The following BANP variants were observed in gnomAD, a reference collection of about 807,000 sequenced individuals.
The protein encoded by BANP is protein BANP.
Under a neutral mutation model 68.1 loss-of-function variants are expected in BANP, and 11 were observed. The ratio of observed to expected loss-of-function variants is 0.16; its 90% CI spans 0.10 to 0.27. BANP has a LOEUF of 0.27. BANP is among the 10% of genes least tolerant of loss of function. BANP has a pLI of 1.00. For missense variants in BANP, 504 were observed against 722.7 expected (o/e 0.70, Z 3.47); for synonymous variants, 329 against 303.2 (o/e 1.09, Z -0.88).
intron 1 of BANP, among the ~76,000 whole-genome samples, chr16:87,965,377 G>T (rs549040646): frequency 6.6e-6 from 1 of 152,136 alleles, no homozygotes; most frequent in East Asian, 1.9e-4. Flanking sequence ...TATCTGAAAG[G>T]GAACAGAGAA....
intron 12 of BANP, among the ~76,000 whole-genome samples, chr16:88,068,484 A>T (rs1351140440): frequency 6.6e-6 from 1 of 152,116 alleles, no homozygotes; most frequent in African/African-American, 2.4e-5. Flanking sequence ...CAGCCCTGAG[A>T]CACCTCTGGG....
chr16:88,006,790 A>G (rs966457533), intron 6 of BANP, among the ~76,000 whole-genome samples: 4 of 150,790 alleles, frequency 2.7e-5, no homozygotes, highest in African/African-American at 9.8e-5. Flanking sequence ...CATCTCTACT[A>G]AAACTACAAA....
chr16:87,961,883 G>A (rs538808916), intron 1 of BANP, among the ~76,000 whole-genome samples: 1 of 152,250 alleles, frequency 6.6e-6, no homozygotes, highest in Non-Finnish European at 1.5e-5. Flanking sequence ...CCCACCAGCA[G>A]GAAGGCACTC....
At chr16:88,049,520 C>G (rs988861513) in intron 11 of BANP, among the ~76,000 whole-genome samples, 1 of 152,080 alleles carries the variant, frequency 6.6e-6, no homozygotes, top group Non-Finnish European at 1.5e-5. Context: ...TAGGGCAGGA[C>G]CCTCTCATGG....
chr16:88,024,786 C>G (rs1417059991), intron 7 of BANP, among the ~76,000 whole-genome samples: 2 of 152,240 alleles, frequency 1.3e-5, no homozygotes, highest in Non-Finnish European at 1.5e-5. Context: ...AATTTGATGT[C>G]TGAGGACAAT....
At chr16:88,029,749 C>A (rs1567807947) in intron 8 of BANP, among the ~76,000 whole-genome samples, 2 of 152,230 alleles carry the variant, frequency 1.3e-5, no homozygotes, top group South Asian at 4.1e-4. Flanking sequence ...AGACAAGCAA[C>A]AGCACAGGAC....
intron 4 of BANP, among the ~76,000 whole-genome samples, chr16:87,990,952 C>T (rs1213994169): frequency 2.6e-5 from 4 of 152,128 alleles, no homozygotes; most frequent in Admixed American, 6.5e-5. Context: ...TTAGTAGAGA[C>T]GGGGTTTCAC....
At chr16:88,008,606 T>C (rs958011582) in intron 6 of BANP, among the ~76,000 whole-genome samples, 1 of 152,204 alleles carries the variant, frequency 6.6e-6, no homozygotes, top group Non-Finnish European at 1.5e-5. Context: ...TGAGACGATA[T>C]CAAATTTGGA....
chr16:88,076,515 G>A, intron 13 of BANP, 75 bp from the exon 14 acceptor site: 2 of 1,318,360 alleles, frequency 1.5e-6, no homozygotes, highest in East Asian at 2.4e-5. Context: ...TAAAGTCACT[G>A]GCTGTTCATG....
chr16:88,040,271 T>TTC lies in BANP; in HGVS notation c.1311+2260_1311+2261insTC, dbSNP rs1567842884. ...GTGGAAATCCTTTTTTTTTTTTTTT[T>TTC]CCATCATTTGGCCAGTTCTCATTCC... On this transcript the variant is annotated intron_variant, in intron 11 of 13. Coordinates refer to ENST00000682872, the MANE Select transcript of BANP (RefSeq NM_001386991.1). Among the ~76,000 whole-genome samples, 8 of 132,578 alleles carry TTC rather than the reference T, an allele frequency of 6.0e-5. No individual in the cohort carries two copies. In the South Asian group the frequency reaches 1.3e-3, roughly 22 times the overall value. The allele number at this position is 132,578 out of a possible 152,430, so 87.0% of individuals were successfully genotyped here.
chr16:88,053,685 T>C (rs111174282), intron 11 of BANP, among the ~76,000 whole-genome samples: 4 of 123,576 alleles, frequency 3.2e-5, no homozygotes, highest in Non-Finnish European at 3.2e-5. Context: ...CCACCACCTC[T>C]ACCACTGTCA....
chr16:88,070,266 T>G (rs536646799), intron 12 of BANP, among the ~76,000 whole-genome samples: 1 of 152,168 alleles, frequency 6.6e-6, no homozygotes, highest in Admixed American at 6.5e-5. Flanking sequence ...GTTCAGTGCC[T>G]CTAACCCTTG....
intron 2 of BANP, chr16:87,980,496 G>A (rs2063047298): frequency 6.5e-6 from 1 of 154,770 alleles, no homozygotes; most frequent in Admixed American, 6.4e-5. Flanking sequence ...TGTGATGGGG[G>A]CAGCTGGTCT....
chr16:87,996,166 G>A (rs1346202076), intron 4 of BANP, among the ~76,000 whole-genome samples: 2 of 152,208 alleles, frequency 1.3e-5, no homozygotes, highest in African/African-American at 2.4e-5. Flanking sequence ...CGACGGCGGT[G>A]TCTGGAGTCA....
Position 88,070,737 on chromosome 16 carries a change from T to G in BANP, c.1378-1332T>G, listed in dbSNP as rs1370847293. 2.0e-5 allele frequency among the ~76,000 whole-genome samples: 3 copies of G among 152,198 alleles called. No homozygotes were observed. The East Asian group carries it at 5.8e-4, about 29-fold the overall frequency. Reference sequence around the variant, plus strand: ...AAGATGGAGGTTCCTAGATTTGTCATGTGGCACAAAATATTTTTTTGCATT... The same window carrying G: ...AAGATGGAGGTTCCTAGATTTGTCAGGTGGCACAAAATATTTTTTTGCATT... On this transcript the variant is annotated intron_variant, in intron 12 of 13. Transcript: ENST00000682872.
At chr16:87,999,363 T>TTCAGACAC (rs2068428075) in intron 4 of BANP, among the ~76,000 whole-genome samples, 2 of 144,786 alleles carry the variant, frequency 1.4e-5, no homozygotes, top group Non-Finnish European at 1.5e-5. Context: ...TACCTGTCCT[T>TTCAGACAC]CCAGACACGT....
At chr16:87,968,765 C>T (rs2060579885) in intron 1 of BANP, among the ~76,000 whole-genome samples, 1 of 152,102 alleles carries the variant, frequency 6.6e-6, no homozygotes, top group Non-Finnish European at 1.5e-5. Context: ...TTGATCCTAG[C>T]ACCAGTGTTT....
chr16:88,022,680 G>C (rs2076248443), intron 7 of BANP, among the ~76,000 whole-genome samples: 1 of 152,210 alleles, frequency 6.6e-6, no homozygotes, highest in Non-Finnish European at 1.5e-5. Context: ...TCTCGTGCAG[G>C]TTTGGAGGCC....
At chr16:88,072,560 G>GC (rs1440254406) in intron 13 of BANP, among the ~76,000 whole-genome samples, 4 of 152,218 alleles carry the variant, frequency 2.6e-5, no homozygotes, top group East Asian at 1.9e-4. Context: ...AGAGCTCCCT[G>GC]CCCCACTCGT....
Sources: gnomAD v4.1 joint callset for allele counts (sites outside exome capture counted in the v4.1 genomes callset) on GRCh38, gnomAD v4.1.1 for gene constraint, MANE v1.5 for transcripts, NCBI Gene and HGNC (gene_info 2026-07-23, HGNC 2026-07-21) for gene names.